TOP1: variants seen among roughly 807,000 people sequenced by gnomAD.
The protein encoded by TOP1 is DNA topoisomerase I, also known as DNA topoisomerase 1.
A neutral mutation model predicts 111.1 loss-of-function variants in TOP1; 10 were observed. That is an observed-to-expected ratio of 0.09 (90% CI 0.06 to 0.15). The LOEUF is 0.15. Among genes scored for constraint, TOP1 ranks in the 10% least tolerant of loss-of-function variants. TOP1 has a pLI of 1.00. For missense variants in TOP1, 474 were observed against 926.7 expected, an observed-to-expected ratio of 0.51 and a Z score of 6.34; for synonymous variants, 271 against 302.9, an observed-to-expected ratio of 0.89 and a Z score of 1.10.
rs377510377 is a variant in TOP1, at chr20:41,097,385, A to G, written c.852+44A>G. On this transcript the variant is annotated intron_variant, in intron 10 of 20. Coordinates refer to ENST00000361337, the MANE Select transcript of TOP1 (RefSeq NM_003286.4). The surrounding 1 kb of genome is among the most constrained non-coding windows in gnomAD (Gnocchi z 4.2). ...TAATATCCTAGTACCTTGCAAAACA[A>G]TCAAGTACTAAGTAATAAATTATCA... 13 of 1,537,754 alleles carry G rather than the reference A, an allele frequency of 8.5e-6. No homozygotes were observed. The highest frequency in any genetic ancestry group is 5.6e-5 in the African/African-American group (4 of 71,488).
rs992678770 is a variant in TOP1, at chr20:41,094,368, T to C, written c.730+1781T>C. ...CCTTGAAGAGCACCATCTCAAAGCG[T>C]AGGTATTCCGTAGGCCTGGTCTGGA... is the stretch of plus-strand genomic sequence containing the variant. On this transcript the variant is annotated intron_variant, in intron 9 of 20. Coordinates refer to ENST00000361337, the MANE Select transcript of TOP1 (RefSeq NM_003286.4). The surrounding 1 kb of genome is among the most constrained non-coding windows in gnomAD (Gnocchi z 4.4). Among the ~76,000 whole-genome samples the C allele has an allele frequency of 6.6e-6, 1 of 152,164 alleles. No individual in the cohort carries two copies. Among genetic ancestry groups the C allele is most frequent in the Non-Finnish European group, 1.5e-5 (1 of 68,020 alleles).
chr20:41,090,119 G>A (rs541496912), intron 8 of TOP1, among the ~76,000 whole-genome samples: 2 of 152,132 alleles, frequency 1.3e-5, no homozygotes, highest in South Asian at 2.1e-4. Flanking sequence ...GATTACAGGC[G>A]TGCACCACCA....
rs200253743 is a variant in TOP1 at position 41,080,128 on chromosome 20, G to C, written c.379G>C (p.Val127Leu). Residue 127 changes from valine (V) to leucine (L), a missense_variant, in exon 6 of 21, where the codon GTT becomes CTT. Physicochemically the swap from Val to Leu is conservative, Grantham distance 32. Around this residue, in one of 14 missense-constraint regions of TOP1, gnomAD observed 185 missense variants for 226.3 expected, o/e 0.82. Coordinates refer to ENST00000361337, the MANE Select transcript of TOP1 (RefSeq NM_003286.4). The surrounding 1 kb of genome is among the most constrained non-coding windows in gnomAD (Gnocchi z 5.0). ...TGAACCTGAAGATGATGGCTATTTT[G>C]TTCCTCCTAAAGAGGATATAAAGCC... ...KDEPEDDGYF[V>L]PPKEDIKPLK... is the part of the protein sequence containing the mutation. 1.2e-6 allele frequency: 2 copies of C among 1,611,580 alleles called. No individual in the cohort carries two copies. The highest frequency in any genetic ancestry group is 1.3e-5 in the African/African-American group (1 of 74,910).
intron 2 of TOP1, among the ~76,000 whole-genome samples, chr20:41,031,668 T>G (rs2033121362): frequency 6.6e-6 from 1 of 152,226 alleles, no homozygotes; most frequent in Non-Finnish European, 1.5e-5. Flanking sequence ...GTCCTGTTAT[T>G]TCTGTTTTGT....
intron 2 of TOP1, among the ~76,000 whole-genome samples, chr20:41,038,309 ACTTAC>A (rs1359541732): frequency 6.6e-6 from 1 of 152,146 alleles, no homozygotes; most frequent in African/African-American, 2.4e-5. Context: ...TAGGTTTAAT[ACTTAC>A]CTTACAACAT....
rs138741351 is a variant in TOP1, at chr20:41,048,221, C to T, written c.59-13173C>T. On this transcript the variant is annotated intron_variant, in intron 2 of 20. Transcript: ENST00000361337. ...AGCACATGAATTTTTGTAGGTGGCT[C>T]GTATTTGCTATTAATATTGCTCAGA... Among the ~76,000 whole-genome samples, 1,210 of 152,058 alleles carry T rather than the reference C, an allele frequency of 8.0e-3. 14 individuals carry two copies. The highest frequency in any genetic ancestry group is 0.028 in the African/African-American group (1,145 of 41,474).
rs1374493324 is a variant in TOP1 at position 41,098,795 on chromosome 20, C to G, written c.975+458C>G. 1 of 150,896 alleles carries G rather than the reference C, an allele frequency of 6.6e-6. No homozygotes were observed. The highest frequency in any genetic ancestry group is 2.4e-5 in the African/African-American group (1 of 40,902). 9.3% of individuals were successfully genotyped at this position (150,896 alleles called of 1,614,324 possible). On this transcript the variant is annotated intron_variant, in intron 11 of 20. Transcript: ENST00000361337. This position sits in a 1 kb window ranked among gnomAD's most constrained non-coding sequence, Gnocchi z 5.7. ...ACTGAAGGATCTTTCTGGTATCCAG[C>G]TGGGATGTCATTTTTCTTCTACAGG... is the stretch of plus-strand genomic sequence containing the variant.
In TOP1 at chr20:41,029,389, A is replaced by T. The variant is rs1600546947; in HGVS notation, c.34-42A>T. 1 of 1,450,528 alleles carries T rather than the reference A, an allele frequency of 6.9e-7. No individual in the cohort carries two copies. Among genetic ancestry groups the T allele is most frequent in the East Asian group, 2.7e-5 (1 of 36,694 alleles). The allele number at this position is 1,450,528 out of a possible 1,614,324, so 89.9% of individuals were successfully genotyped here. ...GCGCGCGCTCGCCGCCGGAGGGGTT[A>T]AAGTGGCTGTTGTTTGATATTCTCT... On this transcript the variant is annotated intron_variant, in intron 1 of 20. Transcript: ENST00000361337. This position sits in a 1 kb window ranked among gnomAD's most constrained non-coding sequence, Gnocchi z 6.1.
intron 3 of TOP1, among the ~76,000 whole-genome samples, chr20:41,075,240 C>T (rs1404523411): frequency 2.6e-5 from 4 of 152,138 alleles, no homozygotes; most frequent in Non-Finnish European, 4.4e-5. Context: ...GGCACTATCT[C>T]GGCTCACTGC....
chr20:41,063,984 C>T (rs754553800), intron 3 of TOP1, among the ~76,000 whole-genome samples: 2 of 151,640 alleles, frequency 1.3e-5, no homozygotes, highest in South Asian at 2.1e-4. Flanking sequence ...AATCTTTGCT[C>T]GTTCCTATGT....
intron 13 of TOP1, among the ~76,000 whole-genome samples, chr20:41,104,578 A>C (rs1021159714): frequency 6.6e-6 from 1 of 152,222 alleles, no homozygotes; most frequent in African/African-American, 2.4e-5. Context: ...TATCCAGCTA[A>C]CTGCTATACA....
In TOP1 at chr20:41,071,340, CT is replaced by C. The variant is rs374632957; in HGVS notation, c.156-4824del. Among the ~76,000 whole-genome samples, 673 of 151,940 alleles carry C rather than the reference CT, an allele frequency of 4.4e-3. 4 individuals carry two copies. Among genetic ancestry groups the C allele is most frequent in the Non-Finnish European group, 8.5e-3 (580 of 67,964 alleles). On this transcript the variant is annotated intron_variant, in intron 3 of 20. Coordinates refer to ENST00000361337, the MANE Select transcript of TOP1 (RefSeq NM_003286.4). This position sits in a 1 kb window ranked among gnomAD's most constrained non-coding sequence, Gnocchi z 4.3. ...ATAGTGTAAGTTATTTTTTTCTTTC[CT>C]TTTTTTAAATTTTTTTTTTTTTGAG...
chr20:41,076,090 A>G (rs917761527), intron 3 of TOP1, 81 bp from the exon 4 acceptor site: 37 of 1,476,788 alleles, frequency 2.5e-5, no homozygotes, highest in Non-Finnish European at 3.3e-5. Flanking sequence ...TCCACGGTTC[A>G]TGTTATCTTA....
intron 8 of TOP1, among the ~76,000 whole-genome samples, chr20:41,089,129 A>G (rs762483270): frequency 1.4e-5 from 2 of 147,772 alleles, no homozygotes; most frequent in South Asian, 2.1e-4. Context: ...GGTTCAAGCA[A>G]TTCTCCTGCC....
In TOP1 at chr20:41,084,539, G is replaced by A. The variant is rs368613261; in HGVS notation, c.585G>A (p.Pro195=). ...AGCCAGATAACAAGAAAAAGAAGCC[G>A]AAGAAAGAAGAGGAACAGAAGTGGA... The part of the protein sequence containing the change: ...VPEPDNKKKK[P]KKEEEQKWKW... Residue 195 remains proline (P), a synonymous_variant, in exon 8 of 21, where the codon CCG becomes CCA. Transcript: ENST00000361337. The A allele has an allele frequency of 1.8e-5, 29 of 1,571,722 alleles. No homozygotes were observed. Among genetic ancestry groups the A allele is most frequent in the South Asian group, 7.0e-5 (6 of 85,300 alleles).
At chr20:41,113,723 AAAAAAAAAAT>A (rs2034280743) in intron 14 of TOP1, among the ~76,000 whole-genome samples, 1 of 151,374 alleles carries the variant, frequency 6.6e-6, no homozygotes, top group Non-Finnish European at 1.5e-5. Context: ...TACAAAAAAA[AAAAAAAAAAT>A]AAAAATTGGC....
intron 8 of TOP1, among the ~76,000 whole-genome samples, chr20:41,091,282 T>G (rs1274557059): frequency 2.0e-5 from 3 of 152,194 alleles, no homozygotes. Flanking sequence ...AAAAGAAACT[T>G]GAGGCATAGC....
chr20:41,117,380 ATTTTTTT>A (rs1192075214), intron 17 of TOP1, among the ~76,000 whole-genome samples: 7 of 85,530 alleles, frequency 8.2e-5, no homozygotes, highest in Admixed American at 4.6e-4. Context: ...CTGTGGCTTA[ATTTTTTT>A]TTTTTTTTTT....
Position 41,067,702 on chromosome 20 carries a change from T to G in TOP1, c.155+6212T>G, listed in dbSNP as rs766443389. On this transcript the variant is annotated intron_variant, in intron 3 of 20. Coordinates refer to ENST00000361337, the MANE Select transcript of TOP1 (RefSeq NM_003286.4). This position sits in a 1 kb window ranked among gnomAD's most constrained non-coding sequence, Gnocchi z 4.0. Reference sequence around the variant, plus strand: ...GTGTCCCTTCCTTCTCTGCTAGATATTAGCACCAATCATTTGTCATCAGGC... The same window carrying G: ...GTGTCCCTTCCTTCTCTGCTAGATAGTAGCACCAATCATTTGTCATCAGGC... Among the ~76,000 whole-genome samples, 10 of 152,232 alleles carry G rather than the reference T, an allele frequency of 6.6e-5. No individual in the cohort carries two copies. The highest frequency in any genetic ancestry group is 3.3e-4 in the Admixed American group (5 of 15,288).
Sources: gnomAD v4.1 joint callset for allele counts (sites outside exome capture counted in the v4.1 genomes callset) on GRCh38, gnomAD v4.1.1 for gene constraint, gnomAD v4.1.1 regional missense constraint, Gnocchi (gnomAD v3.1) non-coding constraint, MANE v1.5 for transcripts, NCBI Gene and HGNC (gene_info 2026-07-23, HGNC 2026-07-21) for gene names.